Variants in DNAH9 observed in about 807,000 individuals in gnomAD.
DNAH9 encodes the protein DNAH9 variant protein.
A neutral mutation model predicts 471.6 loss-of-function variants in DNAH9; 345 were observed. The observed-to-expected ratio is 0.73, with a 90% CI of 0.67 to 0.80. The LOEUF (loss-of-function observed/expected upper bound fraction) is 0.80, where lower values mean the gene tolerates loss of function less well. Among genes scored for constraint, DNAH9 ranks in the 30% least tolerant of loss-of-function variants. The pLI, the probability that DNAH9 is intolerant of heterozygous loss-of-function variation, is 0.00. For synonymous variants in DNAH9, 2,093 were observed against 2,123.6 expected (o/e 0.99, Z 0.40); for missense variants, 5,407 against 5,609.2 (o/e 0.96, Z 1.15).
chr17:11,896,193 T>TA (rs1429121868), intron 59 of DNAH9, among the ~76,000 whole-genome samples: 7 of 152,296 alleles, frequency 4.6e-5, no homozygotes, highest in Non-Finnish European at 7.4e-5. Flanking sequence ...CTTAACTTGA[T>TA]TACATCTACA....
chr17:11,952,705 A>C (rs535157980), intron 67 of DNAH9, among the ~76,000 whole-genome samples: 3 of 152,120 alleles, frequency 2.0e-5, no homozygotes, highest in South Asian at 4.2e-4. Context: ...CTCTCCTAAA[A>C]TGGCCTGTAG....
chr17:11,822,516 G>T lies in DNAH9; in HGVS notation c.8929G>T (p.Ala2977Ser), dbSNP rs370252772. 8.2e-5 allele frequency: 132 copies of T among 1,614,084 alleles called. No individual in the cohort carries two copies. Among genetic ancestry groups the T allele is most frequent in the Non-Finnish European group, 1.1e-4 (125 of 1,180,052 alleles). ...GTTCCCAGCCATTGTGAACTGCACA[G>T]CCATCCACTGGTTCCACGAGTGGCC... ...RKFPAIVNCT[A>S]IHWFHEWPQQ... The change falls in exon 47 of 69, where the codon GCC (alanine) becomes TCC (serine). Residue 2977 changes from alanine (A) to serine (S), a missense_variant. Ala to Ser is a moderately conservative substitution (Grantham distance 99). Coordinates refer to ENST00000262442, the MANE Select transcript of DNAH9 (RefSeq NM_001372.4).
chr17:11,881,398 C>G lies in DNAH9; in HGVS notation c.10791C>G (p.Asp3597Glu), dbSNP rs752921237. 6.2e-7 allele frequency: 1 copy of G among 1,612,910 alleles called. No individual in the cohort carries two copies. The highest frequency in any genetic ancestry group is 8.5e-7 in the Non-Finnish European group (1 of 1,179,726). The change falls in exon 55 of 69, where the codon GAC becomes GAG. Residue 3597 changes from aspartate to glutamate, a missense_variant. Asp to Glu is a conservative substitution (Grantham distance 45). Around this residue, in one of 3 missense-constraint regions of DNAH9, gnomAD observed 4,636 missense variants for 4,900.3 expected, o/e 0.95. Transcript: ENST00000262442. ...LAAVVSMERP[D>E]LEQLKSDLTK... ...CTGTGGTCAGCATGGAGAGGCCAGACTTGGAGCAGCTGAAGGTGAGGACAG... is the reference window on the plus strand; with the variant it reads ...CTGTGGTCAGCATGGAGAGGCCAGAGTTGGAGCAGCTGAAGGTGAGGACAG...
At chr17:11,774,084 C>A (rs1968326144) in intron 38 of DNAH9, among the ~76,000 whole-genome samples, 1 of 152,068 alleles carries the variant, frequency 6.6e-6, no homozygotes, top group Non-Finnish European at 1.5e-5. Context: ...TGCAGTGAGC[C>A]AAGATCACAT....
chr17:11,773,713 A>G (rs778814839), intron 38 of DNAH9, among the ~76,000 whole-genome samples: 1 of 152,238 alleles, frequency 6.6e-6, no homozygotes, highest in Non-Finnish European at 1.5e-5. Context: ...ATGTTTAATT[A>G]TAAAATATTT....
At chr17:11,843,863 G>GTGTGTGTGTGTATATATATATATATA (rs1253794533) in intron 49 of DNAH9, among the ~76,000 whole-genome samples, 982 of 46,200 alleles carry the variant, frequency 0.021, 37 homozygotes, top group Admixed American at 0.031. Context: ...GTGTGTGTGT[G>GTGTGTGTGTGTATATATATATATATA]TATATATATA....
intron 17 of DNAH9, among the ~76,000 whole-genome samples, chr17:11,670,957 C>A (rs2073963260): frequency 6.6e-6 from 1 of 152,234 alleles, no homozygotes; most frequent in Non-Finnish European, 1.5e-5. Flanking sequence ...GCTGCCTTGA[C>A]TTCCCAAAGT....
intron 54 of DNAH9, 112 bp downstream of exon 54, chr17:11,880,312 G>A: frequency 7.3e-7 from 1 of 1,361,670 alleles, no homozygotes; most frequent in South Asian, 1.4e-5. Context: ...TTCATGTCAA[G>A]TAGCTCCCTG....
At chr17:11,940,459 T>C (rs1471109691) in intron 66 of DNAH9, among the ~76,000 whole-genome samples, 1 of 152,124 alleles carries the variant, frequency 6.6e-6, no homozygotes, top group Non-Finnish European at 1.5e-5. Flanking sequence ...CAAACTCTGC[T>C]CCAGAGAAAA....
chr17:11,904,351 C>T (rs1973514037), intron 60 of DNAH9, among the ~76,000 whole-genome samples: 1 of 152,018 alleles, frequency 6.6e-6, no homozygotes, highest in Non-Finnish European at 1.5e-5. Context: ...GGGGAGGGGG[C>T]CAGGCACAGT....
chr17:11,656,350 T>C (rs1416087372), intron 14 of DNAH9, among the ~76,000 whole-genome samples: 1 of 152,162 alleles, frequency 6.6e-6, no homozygotes, highest in Admixed American at 6.5e-5. Context: ...TTGTTGGCCA[T>C]TTGTTTATCT....
At chr17:11,607,976 T>C (rs56141731) in intron 1 of DNAH9, among the ~76,000 whole-genome samples, 153 bp from the exon 2 acceptor site, 3,435 of 152,224 alleles carry the variant, frequency 0.023, 47 homozygotes, top group Non-Finnish European at 0.033. Flanking sequence ...GATGTCAAGG[T>C]CGTATGTAAT....
chr17:11,894,431 C>T lies in DNAH9; in HGVS notation c.11341C>T (p.Pro3781Ser), dbSNP rs78870819. 4.8e-4 allele frequency: 768 copies of T among 1,614,188 alleles called. 1 individual carries two copies. In the African/African-American group the frequency reaches 9.3e-3, roughly 20 times the overall value. ...GGAGTTGGATTTCCTGCTTCGATCT[C>T]CAGTGCAGACGGGCACCGCCAGCCC... is the stretch of plus-strand genomic sequence containing the variant. Reference protein sequence around the residue: ...AVELDFLLRSPVQTGTASPVE... With the variant: ...AVELDFLLRSSVQTGTASPVE... Residue 3781 changes from proline (P) to serine (S), a missense_variant, in exon 59 of 69, where the codon CCA (proline) becomes TCA (serine). Physicochemically the swap from Pro to Ser is moderately conservative, Grantham distance 74 (BLOSUM62 -1). This residue lies in a region of DNAH9 where 4,636 missense variants were observed against 4,900.3 expected (regional missense o/e 0.95). Coordinates refer to ENST00000262442, the MANE Select transcript of DNAH9 (RefSeq NM_001372.4).
At chr17:11,859,411 CA>C (rs34446360) in intron 50 of DNAH9, among the ~76,000 whole-genome samples, 2,349 of 131,304 alleles carry the variant, frequency 0.018, 31 homozygotes, top group African/African-American at 0.054. Context: ...GACTCCGTCT[CA>C]AAAAAAAAAA....
intron 5 of DNAH9, among the ~76,000 whole-genome samples, chr17:11,618,313 C>T (rs1051506478): frequency 3.3e-5 from 5 of 152,074 alleles, no homozygotes; most frequent in African/African-American, 4.8e-5. Flanking sequence ...GAGGGCCGGG[C>T]GCGGTGGCTC....
chr17:11,818,980 A>G (rs1401119852), intron 45 of DNAH9, among the ~76,000 whole-genome samples: 1 of 151,794 alleles, frequency 6.6e-6, no homozygotes, highest in Non-Finnish European at 1.5e-5. Flanking sequence ...CGTCTGAGCT[A>G]GGAGCCCGCC....
chr17:11,825,633 A>G (rs1260495963), intron 48 of DNAH9, among the ~76,000 whole-genome samples: 1 of 152,182 alleles, frequency 6.6e-6, no homozygotes, highest in Non-Finnish European at 1.5e-5. Flanking sequence ...ATAGTGGAGA[A>G]TCCTCCCAAG....
At chr17:11,843,876 T>TAGGG (rs1342675541) in intron 49 of DNAH9, among the ~76,000 whole-genome samples, 1 of 131,190 alleles carries the variant, frequency 7.6e-6, no homozygotes, top group Non-Finnish European at 1.6e-5. Flanking sequence ...TATATATATA[T>TAGGG]ATATATATAT....
chr17:11,678,804 T>A (rs1261130922), intron 17 of DNAH9, among the ~76,000 whole-genome samples: 2 of 152,204 alleles, frequency 1.3e-5, no homozygotes, highest in East Asian at 3.9e-4. Context: ...AATGTTTAGC[T>A]AGACTCTTCT....
Sources: allele counts gnomAD v4.1 joint callset (sites outside exome capture counted in the v4.1 genomes callset), GRCh38; gene constraint gnomAD v4.1.1; regional missense constraint gnomAD v4.1.1; transcripts MANE v1.5; gene names NCBI Gene and HGNC (gene_info 2026-07-23, HGNC 2026-07-21).